The following LMNB1 variants were observed in gnomAD, a reference collection of about 807,000 sequenced individuals.
LMNB1 encodes the protein lamin-B1.
A neutral mutation model predicts 67.1 loss-of-function variants in LMNB1; 23 were observed. The observed-to-expected ratio is 0.34, with a 90% CI of 0.25 to 0.49. The LOEUF (loss-of-function observed/expected upper bound fraction) is 0.49. Ranked by LOEUF, LMNB1 falls within the 20% of genes least tolerant of loss-of-function variation. The pLI, the probability that LMNB1 is intolerant of heterozygous loss-of-function variation, is 0.99. For missense variants in LMNB1, 634 were observed against 746.5 expected (o/e 0.85, Z 1.76); for synonymous variants, 281 against 282.9 (o/e 0.99, Z 0.07).
At chr5:126,821,202 A>G (rs1751861083) in intron 7 of LMNB1, 67 bp downstream of exon 7, 6 of 1,022,894 alleles carry the variant, frequency 5.9e-6, no homozygotes, top group Non-Finnish European at 9.2e-6. Flanking sequence ...TGCAATTGTC[A>G]TAGCTCCTTA....
intron 1 of LMNB1, 99 bp downstream of exon 1, chr5:126,777,966 C>T: frequency 9.2e-7 from 1 of 1,088,902 alleles, no homozygotes; most frequent in Non-Finnish European, 1.2e-6. Flanking sequence ...GGAGCAGAGG[C>T]CAGGATGCAC....
chr5:126,811,946 A>G (rs1452074625), intron 5 of LMNB1, 48 bp downstream of exon 5: 3 of 1,572,752 alleles, frequency 1.9e-6, no homozygotes, highest in Non-Finnish European at 2.6e-6. Flanking sequence ...GGCTACCTTC[A>G]CCACGGGCAC....
At chr5:126,777,921 G>A in intron 1 of LMNB1, 54 bp downstream of exon 1, 1 of 1,374,458 alleles carries the variant, frequency 7.3e-7, no homozygotes, top group Non-Finnish European at 9.4e-7. Flanking sequence ...GGGCGCAACC[G>A]CGGCGACCAG....
At chr5:126,797,958 T>C (rs1320947213) in intron 1 of LMNB1, among the ~76,000 whole-genome samples, 1 of 152,056 alleles carries the variant, frequency 6.6e-6, no homozygotes, top group Non-Finnish European at 1.5e-5. Context: ...TAGTGGCACA[T>C]GTGTATACTC....
intron 1 of LMNB1, among the ~76,000 whole-genome samples, chr5:126,801,714 A>G (rs1034403943): frequency 1.3e-5 from 2 of 152,246 alleles, no homozygotes; most frequent in African/African-American, 4.8e-5. Flanking sequence ...TAAAGTTGAC[A>G]TGCTGTTTTA....
chr5:126,834,293 C>T (rs1473522197), intron 10 of LMNB1, among the ~76,000 whole-genome samples: 4 of 152,024 alleles, frequency 2.6e-5, no homozygotes, highest in Non-Finnish European at 4.4e-5. Flanking sequence ...GCAACCTCCA[C>T]CTCCCAGGTT....
intron 9 of LMNB1, among the ~76,000 whole-genome samples, chr5:126,828,904 G>T (rs1158905022): frequency 6.6e-6 from 1 of 152,088 alleles, no homozygotes; most frequent in Non-Finnish European, 1.5e-5. Flanking sequence ...CCTTCAGCTT[G>T]CGAGGCTCTG....
intron 1 of LMNB1, among the ~76,000 whole-genome samples, chr5:126,787,546 A>ATATATATATATATATTTTTTT: frequency 1.1e-4 from 7 of 65,562 alleles, no homozygotes; most frequent in African/African-American, 2.0e-4. Flanking sequence ...ATATATATAT[A>ATATATATATATATATTTTTTT]TTTTTTTTTT....
At chr5:126,827,030 C>T (rs1752013096) in intron 9 of LMNB1, among the ~76,000 whole-genome samples, 1 of 152,176 alleles carries the variant, frequency 6.6e-6, no homozygotes, top group South Asian at 2.1e-4. Context: ...CTGATTCTGA[C>T]CTTTTCACCC....
intron 9 of LMNB1, among the ~76,000 whole-genome samples, chr5:126,830,057 G>A (rs1241350294): frequency 6.6e-6 from 1 of 152,216 alleles, no homozygotes; most frequent in African/African-American, 2.4e-5. Flanking sequence ...ATGTAGAGAT[G>A]CAATATATAA....
intron 1 of LMNB1, among the ~76,000 whole-genome samples, chr5:126,784,281 G>A (rs1750707015): frequency 6.6e-6 from 1 of 151,698 alleles, no homozygotes; most frequent in Non-Finnish European, 1.5e-5. Flanking sequence ...CGCCCGCCTT[G>A]GCCTCCCAAA....
At chr5:126,825,911 A>G in intron 8 of LMNB1, 77 bp from the exon 9 acceptor site, 1 of 1,589,682 alleles carries the variant, frequency 6.3e-7, no homozygotes, top group Non-Finnish European at 8.6e-7. Context: ...CAAGTGTTTG[A>G]GTCTCATCGC....
chr5:126,800,903 C>A, intron 1 of LMNB1, among the ~76,000 whole-genome samples: 1 of 138,192 alleles, frequency 7.2e-6, no homozygotes, highest in Admixed American at 7.6e-5. Context: ...CCGCTTGCCT[C>A]GGCCTCCCAA....
At chr5:126,797,052 G>A in intron 1 of LMNB1, among the ~76,000 whole-genome samples, 1 of 152,052 alleles carries the variant, frequency 6.6e-6, no homozygotes, top group South Asian at 2.1e-4. Flanking sequence ...GCCTCCCAAA[G>A]TGCTGGGATT....
At chr5:126,826,158 A>C in intron 9 of LMNB1, 51 bp downstream of exon 9, 1 of 1,566,924 alleles carries the variant, frequency 6.4e-7, no homozygotes, top group Non-Finnish European at 8.7e-7. Context: ...CTTAAAGTTC[A>C]CTGTGCAAGT....
At chr5:126,809,377 A>G (rs1751530367) in intron 3 of LMNB1, among the ~76,000 whole-genome samples, 1 of 152,180 alleles carries the variant, frequency 6.6e-6, no homozygotes, top group Non-Finnish European at 1.5e-5. Flanking sequence ...TGTGCTGCCT[A>G]TTATTATGTC....
intron 1 of LMNB1, among the ~76,000 whole-genome samples, chr5:126,798,022 G>C (rs969322115): frequency 2.6e-5 from 4 of 152,148 alleles, no homozygotes; most frequent in Non-Finnish European, 5.9e-5. Flanking sequence ...GGAGGTGTAA[G>C]TTACAGTCAG....
At chr5:126,811,959 AC>A in intron 5 of LMNB1, 61 bp downstream of exon 5, 1 of 1,548,560 alleles carries the variant, frequency 6.5e-7, no homozygotes, top group Non-Finnish European at 8.9e-7. Context: ...ACGGGCACCT[AC>A]CTGCTTTGCT....
intron 3 of LMNB1, among the ~76,000 whole-genome samples, chr5:126,806,600 GAA>G (rs1489394890): frequency 6.6e-6 from 1 of 151,874 alleles, no homozygotes; most frequent in Non-Finnish European, 1.5e-5. Flanking sequence ...TCAGTGATGA[GAA>G]AGAGAGAGAG....
Sources: gnomAD v4.1 joint callset for allele counts (sites outside exome capture counted in the v4.1 genomes callset) on GRCh38, gnomAD v4.1.1 for gene constraint, MANE v1.5 for transcripts, NCBI Gene and HGNC (gene_info 2026-07-23, HGNC 2026-07-21) for gene names.